The following RIMS1 variants were observed in gnomAD, a reference collection of about 807,000 sequenced individuals.
RIMS1 encodes regulating synaptic membrane exocytosis protein 1.
In RIMS1, 83 loss-of-function variants were observed where a neutral mutation model predicts 214.1. The observed-to-expected ratio is 0.39, with a 90% CI of 0.32 to 0.47. The LOEUF (loss-of-function observed/expected upper bound fraction) is 0.47. Among genes scored for constraint, RIMS1 ranks in the 20% least tolerant of loss-of-function variants. The pLI, the probability that RIMS1 is intolerant of heterozygous loss-of-function variation, is 0.99. For missense variants in RIMS1, 2,050 were observed against 2,161.8 expected, an observed-to-expected ratio of 0.95 and a Z score of 1.03; for synonymous variants, 793 against 786.8, an observed-to-expected ratio of 1.01 and a Z score of -0.13.
intron 2 of RIMS1, among the ~76,000 whole-genome samples, chr6:71,984,945 C>T (rs529387696): frequency 6.6e-6 from 1 of 152,286 alleles, no homozygotes; most frequent in Admixed American, 6.5e-5. Flanking sequence ...CTTCCTCCTT[C>T]ACACAAGCAC....
In RIMS1 at chr6:72,006,675, A is replaced by G. The variant is rs149490422; in HGVS notation, c.245+37612A>G. 5.6e-3 allele frequency among the ~76,000 whole-genome samples: 860 copies of G among 152,292 alleles called. 3 individuals are homozygous for G. Among genetic ancestry groups the G allele is most frequent in the Middle Eastern group, 0.01 (3 of 294 alleles). ...TTAGCAAACGGCACACCAGGATATT[A>G]TATCCCGTGCCTGGCTCGGAGGGTC... On this transcript the variant is annotated intron_variant, in intron 2 of 33. Transcript: ENST00000521978.
At chr6:72,216,675 C>G in intron 6 of RIMS1, 1 of 985,636 alleles carries the variant, frequency 1.0e-6, no homozygotes, top group Non-Finnish European at 1.2e-6. Context: ...TCTGCTCAAC[C>G]TTGTCATCTT....
chr6:72,007,351 AG>A (rs928832167), intron 2 of RIMS1, among the ~76,000 whole-genome samples: 2 of 152,226 alleles, frequency 1.3e-5, no homozygotes, highest in African/African-American at 2.4e-5. Context: ...GACCAAAGGT[AG>A]GTAAAACCGC....
At chr6:71,892,990 A>C (rs1770428440) in intron 1 of RIMS1, among the ~76,000 whole-genome samples, 1 of 152,236 alleles carries the variant, frequency 6.6e-6, no homozygotes, top group African/African-American at 2.4e-5. Flanking sequence ...GTAAAGTGGA[A>C]TTTATAATGG....
At chr6:71,908,815 A>T (rs1440822345) in intron 1 of RIMS1, among the ~76,000 whole-genome samples, 1 of 152,158 alleles carries the variant, frequency 6.6e-6, no homozygotes, top group Non-Finnish European at 1.5e-5. Flanking sequence ...CTACCACCAT[A>T]TATTTTTGTT....
chr6:72,326,867 AAGG>A (rs2096490224), intron 28 of RIMS1, among the ~76,000 whole-genome samples: 1 of 151,764 alleles, frequency 6.6e-6, no homozygotes. Flanking sequence ...TAAGTGAAAA[AAGG>A]AGGGAGCAGA....
chr6:71,914,572 T>A (rs1777800737), intron 1 of RIMS1, among the ~76,000 whole-genome samples: 1 of 152,154 alleles, frequency 6.6e-6, no homozygotes, highest in Admixed American at 6.6e-5. Flanking sequence ...AATTTAGATA[T>A]TTTAGAATTT....
chr6:72,208,015 C>T (rs889378377), intron 6 of RIMS1, among the ~76,000 whole-genome samples: 12 of 152,046 alleles, frequency 7.9e-5, no homozygotes, highest in African/African-American at 2.9e-4. Flanking sequence ...CACACAGGGC[C>T]ATGAGAATGT....
intron 4 of RIMS1, among the ~76,000 whole-genome samples, chr6:72,101,419 T>TCAATGA (rs1338718525): frequency 3.9e-5 from 6 of 151,994 alleles, no homozygotes; most frequent in Non-Finnish European, 8.8e-5. Flanking sequence ...TTGAAGGAGT[T>TCAATGA]CAATGAATGG....
intron 2 of RIMS1, among the ~76,000 whole-genome samples, chr6:72,048,772 C>A (rs1249532413): frequency 6.6e-6 from 1 of 152,160 alleles, no homozygotes; most frequent in Non-Finnish European, 1.5e-5. Context: ...AAATTCATTT[C>A]TTATGTCTGA....
intron 26 of RIMS1, among the ~76,000 whole-genome samples, chr6:72,292,694 T>C (rs1464168642): frequency 6.6e-6 from 1 of 152,170 alleles, no homozygotes; most frequent in African/African-American, 2.4e-5. Flanking sequence ...TACGTTAAAA[T>C]AGTATTCTTC....
At chr6:72,180,895 T>C (rs1328779857) in intron 5 of RIMS1, among the ~76,000 whole-genome samples, 2 of 152,184 alleles carry the variant, frequency 1.3e-5, no homozygotes, top group African/African-American at 4.8e-5. Flanking sequence ...TCTGCCACAA[T>C]AGGCAGTAAA....
intron 2 of RIMS1, among the ~76,000 whole-genome samples, chr6:72,063,351 G>A (rs1828422600): frequency 6.6e-6 from 1 of 152,202 alleles, no homozygotes; most frequent in Non-Finnish European, 1.5e-5. Flanking sequence ...ACTCCCCAGT[G>A]AAGTAGAGGA....
chr6:71,988,791 ATTATTTTT>A (rs1800745776), intron 2 of RIMS1, among the ~76,000 whole-genome samples: 1 of 152,188 alleles, frequency 6.6e-6, no homozygotes, highest in South Asian at 2.1e-4. Flanking sequence ...TATTGGTAAC[ATTATTTTT>A]TTATTTTTTA....
intron 26 of RIMS1, among the ~76,000 whole-genome samples, chr6:72,301,831 C>T (rs1201132225): frequency 1.3e-5 from 2 of 151,536 alleles, no homozygotes; most frequent in Admixed American, 6.6e-5. Flanking sequence ...GGAATCAATC[C>T]TGAACAGATG....
chr6:72,235,406 A>T (rs1009601693), intron 7 of RIMS1, among the ~76,000 whole-genome samples: 34 of 151,998 alleles, frequency 2.2e-4, no homozygotes, highest in African/African-American at 7.5e-4. Flanking sequence ...TACTACTACA[A>T]CATCAACGTT....
At chr6:72,233,893 A>G (rs2154085999) in intron 7 of RIMS1, 53 bp downstream of exon 7, 2 of 1,186,690 alleles carry the variant, frequency 1.7e-6, no homozygotes, top group Middle Eastern at 3.8e-4. Flanking sequence ...GTGCTCGTTA[A>G]TTGTCCTTTG....
chr6:72,166,965 A>G (rs1282385436), intron 4 of RIMS1, among the ~76,000 whole-genome samples: 2 of 151,978 alleles, frequency 1.3e-5, no homozygotes, highest in African/African-American at 4.8e-5. Flanking sequence ...ACACTGGCGT[A>G]TAGAGGTTTA....
intron 28 of RIMS1, among the ~76,000 whole-genome samples, chr6:72,332,311 G>T (rs1470015804): frequency 6.6e-6 from 1 of 151,744 alleles, no homozygotes; most frequent in African/African-American, 2.4e-5. Context: ...CATTTTAGGT[G>T]TATCAAACCA....
Sources: allele counts gnomAD v4.1 joint callset (sites outside exome capture counted in the v4.1 genomes callset), GRCh38; gene constraint gnomAD v4.1.1; transcripts MANE v1.5; gene names NCBI Gene and HGNC (gene_info 2026-07-23, HGNC 2026-07-21).